The following SMARCC1 variants were observed in gnomAD, a reference collection of about 807,000 sequenced individuals.
SMARCC1 encodes SWI/SNF related BAF chromatin remodeling complex subunit C1.
A neutral mutation model predicts 147.4 loss-of-function variants in SMARCC1; 43 were observed. The ratio of observed to expected loss-of-function variants is 0.29; its 90% CI spans 0.23 to 0.38. SMARCC1 has a LOEUF of 0.38. SMARCC1 is among the 10% of genes least tolerant of loss of function. The pLI is 1.00. For synonymous variants in SMARCC1, 495 were observed against 484.4 expected (o/e 1.02, Z -0.29); for missense variants, 1,119 against 1,381.1 (o/e 0.81, Z 3.01).
intron 13 of SMARCC1, among the ~76,000 whole-genome samples, chr3:47,686,633 A>G (rs1443952428): frequency 6.6e-6 from 1 of 151,882 alleles, no homozygotes; most frequent in African/African-American, 2.4e-5. Flanking sequence ...ATGTTTTACA[A>G]TTTTCTCTCT....
At position 47,622,235 on chromosome 3, in the gene SMARCC1, T is replaced by G; in HGVS notation, c.2753A>C (p.Glu918Ala). 1.2e-6 allele frequency: 2 copies of G among 1,605,114 alleles called. No individual in the cohort carries two copies. Among genetic ancestry groups the G allele is most frequent in the Non-Finnish European group, 8.5e-7 (1 of 1,178,024 alleles). Reference protein sequence around the residue: ...EIKLRHFEELETIMDREKEAL... With the variant: ...EIKLRHFEELATIMDREKEAL... ...TTCTTTCTCTCTGTCCATGATAGTT[T>G]CCAGCTCTTCAAAATGTCGAAGTTT... The change falls in exon 25 of 28, where the codon GAA (glutamate) becomes GCA (alanine). Residue 918 changes from glutamate to alanine, a missense_variant. This residue lies in a region of SMARCC1 where 42 missense variants were observed against 89.4 expected (regional missense o/e 0.47). Coordinates refer to ENST00000254480, the MANE Select transcript of SMARCC1 (RefSeq NM_003074.4).
chr3:47,594,417 C>T (rs576384639), intron 26 of SMARCC1, among the ~76,000 whole-genome samples: 145 of 152,288 alleles, frequency 9.5e-4, no homozygotes, highest in African/African-American at 3.4e-3. Context: ...GTGAACACTG[C>T]GACTAGGACC....
At chr3:47,680,218 T>C (rs2033625969) in intron 15 of SMARCC1, 2 of 445,300 alleles carry the variant, frequency 4.5e-6, no homozygotes, top group East Asian at 9.7e-5. Context: ...TGAGACCCTG[T>C]CTCAAACAAA....
At chr3:47,695,995 A>G (rs1256039341) in intron 11 of SMARCC1, among the ~76,000 whole-genome samples, 1 of 134,488 alleles carries the variant, frequency 7.4e-6, no homozygotes, top group African/African-American at 2.9e-5. Flanking sequence ...TGAACTCAAG[A>G]GGCGGAGGTT....
chr3:47,696,702 T>C (rs946538471), intron 11 of SMARCC1, among the ~76,000 whole-genome samples: 5 of 152,004 alleles, frequency 3.3e-5, no homozygotes, highest in African/African-American at 1.2e-4. Context: ...TTTGTATTTT[T>C]AGTAGAGACA....
intron 24 of SMARCC1, 30 bp from the exon 25 acceptor site, chr3:47,622,371 A>G: frequency 6.2e-7 from 1 of 1,607,978 alleles, no homozygotes; most frequent in Non-Finnish European, 8.5e-7. Flanking sequence ...CAAGCTATTT[A>G]GGTAAACATT....
intron 14 of SMARCC1, among the ~76,000 whole-genome samples, chr3:47,684,437 G>C (rs1002154802): frequency 6.6e-6 from 1 of 151,162 alleles, no homozygotes; most frequent in Non-Finnish European, 1.5e-5. Context: ...TTATTGGGTA[G>C]TAATTTTTTT....
chr3:47,681,358 T>A (rs1019655771), intron 14 of SMARCC1, among the ~76,000 whole-genome samples: 8 of 152,226 alleles, frequency 5.3e-5, no homozygotes, highest in African/African-American at 1.7e-4. Context: ...ATTACTTTTT[T>A]AAAAATTTCA....
chr3:47,669,614 TGA>T lies in SMARCC1; in HGVS notation c.1899+1042_1899+1043del, dbSNP rs538733325. On this transcript the variant is annotated intron_variant, in intron 19 of 27. Coordinates refer to ENST00000254480, the MANE Select transcript of SMARCC1 (RefSeq NM_003074.4). Reference sequence around the variant, plus strand: ...GTATCACTGATACTGAATGGGCATATGAGAATATATTAAAATAGAGGCAAAAA... The same window carrying T: ...GTATCACTGATACTGAATGGGCATATGAATATATTAAAATAGAGGCAAAAA... Among the ~76,000 whole-genome samples the T allele has an allele frequency of 2.9e-4, 44 of 152,078 alleles. No individual in the cohort carries two copies. In the East Asian group the frequency reaches 5.0e-3, roughly 17 times the overall value.
In SMARCC1 at chr3:47,710,736, C is replaced by T; in HGVS notation, c.865G>A (p.Glu289Lys). The change falls in exon 9 of 28, where the codon GAA (glutamate) becomes AAA (lysine). Residue 289 changes from glutamate (E) to lysine (K), a missense_variant. By Grantham distance (56) the Glu-to-Lys change is moderately conservative (BLOSUM62 1). Coordinates refer to ENST00000254480, the MANE Select transcript of SMARCC1 (RefSeq NM_003074.4). ...WMNEEDYEVD[E>K]NRKPVSFRQR... ...CGAAAACTCACAGGCTTCCTATTTTCATCCACCTCATAATCCTCCTCATTC... is the reference window on the plus strand; with the variant it reads ...CGAAAACTCACAGGCTTCCTATTTTTATCCACCTCATAATCCTCCTCATTC... 6.2e-7 allele frequency: 1 copy of T among 1,613,532 alleles called. No individual in the cohort carries two copies. Among genetic ancestry groups the T allele is most frequent in the Non-Finnish European group, 8.5e-7 (1 of 1,179,620 alleles).
At chr3:47,763,382 G>A (rs1465605987) in intron 2 of SMARCC1, among the ~76,000 whole-genome samples, 1 of 148,898 alleles carries the variant, frequency 6.7e-6, no homozygotes, top group South Asian at 2.1e-4. Flanking sequence ...GACCAGCCTG[G>A]GCAACAATAG....
intron 19 of SMARCC1, among the ~76,000 whole-genome samples, 170 bp from the exon 20 acceptor site, chr3:47,662,762 TA>T (rs777159789): frequency 2.1e-4 from 32 of 152,064 alleles, no homozygotes; most frequent in Non-Finnish European, 4.0e-4. Context: ...GTAAAATAAA[TA>T]AAAGACATGC....
At chr3:47,596,822 G>A (rs967049629) in intron 26 of SMARCC1, among the ~76,000 whole-genome samples, 11 of 151,932 alleles carry the variant, frequency 7.2e-5, no homozygotes, top group African/African-American at 2.4e-4. Context: ...ATGTCAGGCT[G>A]ATGAGACAGA....
chr3:47,592,340 G>C (rs1053887516), intron 26 of SMARCC1, among the ~76,000 whole-genome samples: 1 of 152,160 alleles, frequency 6.6e-6, no homozygotes, highest in African/African-American at 2.4e-5. Flanking sequence ...AAATGGACGT[G>C]GCTGTGTTCT....
chr3:47,763,591 C>T (rs868094480), intron 2 of SMARCC1, among the ~76,000 whole-genome samples: 1 of 151,624 alleles, frequency 6.6e-6, no homozygotes. Flanking sequence ...CCTAGGCCTC[C>T]CAAAGTGTTG....
chr3:47,691,591 G>A (rs947457779), intron 12 of SMARCC1, among the ~76,000 whole-genome samples: 2 of 152,102 alleles, frequency 1.3e-5, no homozygotes, highest in East Asian at 3.8e-4. Context: ...TCCAGGCTGG[G>A]TGACAAGAGC....
chr3:47,764,472 C>A (rs1048756507), intron 2 of SMARCC1, among the ~76,000 whole-genome samples: 3 of 152,134 alleles, frequency 2.0e-5, no homozygotes, highest in African/African-American at 7.2e-5. Flanking sequence ...TAAATAAGTA[C>A]AATGTCAGTG....
intron 7 of SMARCC1, among the ~76,000 whole-genome samples, chr3:47,719,529 C>T (rs574043418): frequency 7.6e-4 from 115 of 151,744 alleles, no homozygotes; most frequent in African/African-American, 2.7e-3. Context: ...GGTGAAACCC[C>T]GTCTCTACTA....
chr3:47,638,169 C>A (rs547190437), intron 22 of SMARCC1, among the ~76,000 whole-genome samples: 13 of 152,260 alleles, frequency 8.5e-5, no homozygotes, highest in African/African-American at 2.4e-4. Context: ...CGGCTCACTG[C>A]AAGCTCTGTC....
Sources: gnomAD v4.1 joint callset for allele counts (sites outside exome capture counted in the v4.1 genomes callset) on GRCh38, gnomAD v4.1.1 for gene constraint, gnomAD v4.1.1 regional missense constraint, MANE v1.5 for transcripts, NCBI Gene and HGNC (gene_info 2026-07-23, HGNC 2026-07-21) for gene names.